RGS13: variants seen among roughly 807,000 people sequenced by gnomAD.
RGS13 encodes the protein regulator of G-protein signalling 13.
RGS13 carries 14 observed loss-of-function variants against 19.9 expected under a neutral mutation model. The ratio of observed to expected loss-of-function variants is 0.70; its 90% CI spans 0.46 to 1.10. The LOEUF (loss-of-function observed/expected upper bound fraction) is 1.10, where lower values mean the gene tolerates loss of function less well. RGS13 is among the 50% of genes least tolerant of loss of function. The pLI is 0.00. For synonymous variants in RGS13, 60 were observed against 56.8 expected, an observed-to-expected ratio of 1.06 and a Z score of -0.25; for missense variants, 205 against 187.1, an observed-to-expected ratio of 1.10 and a Z score of -0.56.
intron 3 of RGS13, among the ~76,000 whole-genome samples, chr1:192,640,264 C>CTAAG (rs1663083039): frequency 6.6e-6 from 1 of 152,154 alleles, no homozygotes; most frequent in Non-Finnish European, 1.5e-5. Context: ...GAAACTCGAA[C>CTAAG]TAAGTAGCTT....
intron 1 of RGS13, 99 bp downstream of exon 1, chr1:192,636,416 G>C (rs547368712): frequency 3.9e-5 from 6 of 152,002 alleles, no homozygotes; most frequent in Admixed American, 2.0e-4. Flanking sequence ...ACTTCTGGGA[G>C]TGTTAACAGA....
At chr1:192,645,274 T>A (rs1571581312) in intron 4 of RGS13, 1 of 152,290 alleles carries the variant, frequency 6.6e-6, no homozygotes, top group East Asian at 1.9e-4. Flanking sequence ...CTGTCAGAGC[T>A]CGCCTTTCTT....
intron 3 of RGS13, among the ~76,000 whole-genome samples, chr1:192,639,524 T>C (rs1438705692): frequency 6.6e-6 from 1 of 152,122 alleles, no homozygotes; most frequent in Non-Finnish European, 1.5e-5. Context: ...TATGTTGACA[T>C]GTTGAAGAAT....
At chr1:192,636,912 C>T (rs536271104) in intron 1 of RGS13, among the ~76,000 whole-genome samples, 36 of 151,878 alleles carry the variant, frequency 2.4e-4, no homozygotes, top group South Asian at 6.2e-4. Context: ...TAAATTGCTC[C>T]AAATTTTACT....
rs922190901 is a variant in RGS13 at position 192,660,164 on chromosome 1, G to A, written c.*641G>A. 10 of 151,906 alleles carry A rather than the reference G, an allele frequency of 6.6e-5. No individual in the cohort carries two copies. Among genetic ancestry groups the A allele is most frequent in the Non-Finnish European group, 1.3e-4 (9 of 67,948 alleles). The allele number at this position is 151,906 out of a possible 1,614,324, so 9.4% of individuals were successfully genotyped here. A position where few individuals can be genotyped will look rare whatever the true frequency, so the allele number is the denominator to read the frequency against. ...TGCTCTTGCATCTACATTGCTATAAGGATATAAAATGTGGTTTCTATATTT... is the reference window on the plus strand; with the variant it reads ...TGCTCTTGCATCTACATTGCTATAAAGATATAAAATGTGGTTTCTATATTT... On this transcript the variant is annotated 3_prime_UTR_variant, in exon 7 of 7. Coordinates refer to ENST00000391995, the MANE Select transcript of RGS13 (RefSeq NM_002927.5).
chr1:192,659,640 A>C lies in RGS13; in HGVS notation c.*117A>C. On this transcript the variant is annotated 3_prime_UTR_variant, in exon 7 of 7. Coordinates refer to ENST00000391995, the MANE Select transcript of RGS13 (RefSeq NM_002927.5). ...ACAAATAAAACAGAAATCAAACTAT[A>C]AGTTGACTTTTAGTTCCTAAAAAGA... 1 of 733,658 alleles carries C rather than the reference A, an allele frequency of 1.4e-6. No individual in the cohort carries two copies. The highest frequency in any genetic ancestry group is 2.2e-6 in the Non-Finnish European group (1 of 450,162). 45.4% of individuals were successfully genotyped at this position (733,658 alleles called of 1,614,324 possible). A position where few individuals can be genotyped will look rare whatever the true frequency, so the allele number is the denominator to read the frequency against.
chr1:192,643,930 G>A (rs1297016235), intron 3 of RGS13, among the ~76,000 whole-genome samples: 1 of 152,134 alleles, frequency 6.6e-6, no homozygotes, highest in African/African-American at 2.4e-5. Context: ...TCCAGGCTGG[G>A]TGACAGGGTG....
At position 192,658,279 on chromosome 1, in the gene RGS13, C is replaced by T; in HGVS notation, c.206C>T (p.Thr69Ile). ...ENIQFWMACE[T>I]YKKIASRWSR... ...ATTCAATTCTGGATGGCATGTGAAA[C>T]CTATAAGAAAATTGCCTCACGGTGG... Residue 69 changes from threonine to isoleucine, a missense_variant, in exon 6 of 7, where the codon ACC (threonine) becomes ATC (isoleucine). Coordinates refer to ENST00000391995, the MANE Select transcript of RGS13 (RefSeq NM_002927.5). The T allele has an allele frequency of 6.2e-7, 1 of 1,613,334 alleles. No homozygotes were observed. Among genetic ancestry groups the T allele is most frequent in the Non-Finnish European group, 8.5e-7 (1 of 1,179,606 alleles).
At chr1:192,652,751 C>T (rs1663365231) in intron 5 of RGS13, among the ~76,000 whole-genome samples, 1 of 151,894 alleles carries the variant, frequency 6.6e-6, no homozygotes, top group African/African-American at 2.4e-5. Context: ...AAAACAGAAA[C>T]ATGAGGGATC....
At chr1:192,643,546 C>G (rs989662255) in intron 3 of RGS13, among the ~76,000 whole-genome samples, 2 of 142,294 alleles carry the variant, frequency 1.4e-5, no homozygotes, top group Admixed American at 1.6e-4. Flanking sequence ...TAAGCAGCAC[C>G]CTTAAAATTC....
intron 4 of RGS13, chr1:192,646,519 C>G (rs1178749530): frequency 6.6e-6 from 1 of 152,166 alleles, no homozygotes; most frequent in Non-Finnish European, 1.5e-5. Context: ...TTCATGGGTA[C>G]ATGCGCAGGA....
rs978352287 is a variant in RGS13 at position 192,648,005 on chromosome 1, G to T, written c.127+18G>T. The T allele has an allele frequency of 3.2e-6, 5 of 1,553,690 alleles. No homozygotes were observed. Among genetic ancestry groups the T allele is most frequent in the Non-Finnish European group, 4.4e-6 (5 of 1,135,966 alleles). ...TACAAAATGTGAGTATTGCGTATCT[G>T]TCATCTTTGAATAACTAGCGAGTTC... On this transcript the variant is annotated intron_variant, in intron 5 of 6. Transcript: ENST00000391995.
rs1663476367 is a variant in RGS13, at chr1:192,658,104, T to C, written c.128-97T>C. On this transcript the variant is annotated intron_variant, in intron 5 of 6. Coordinates refer to ENST00000391995, the MANE Select transcript of RGS13 (RefSeq NM_002927.5). ...TAAAATATTTACTTGTTAAATAATTTGTGAGTTTTTAATCAGGCTTTTTTT... is the reference window on the plus strand; with the variant it reads ...TAAAATATTTACTTGTTAAATAATTCGTGAGTTTTTAATCAGGCTTTTTTT... 4 of 762,732 alleles carry C rather than the reference T, an allele frequency of 5.2e-6. 1 individual carries two copies. In the African/African-American group the frequency reaches 7.1e-5, roughly 14 times the overall value. The allele number at this position is 762,732 out of a possible 1,614,324, so 47.2% of individuals were successfully genotyped here.
intron 3 of RGS13, among the ~76,000 whole-genome samples, chr1:192,638,573 C>T (rs1663052718): frequency 6.6e-6 from 1 of 152,056 alleles, no homozygotes; most frequent in Non-Finnish European, 1.5e-5. Context: ...GATGGACTTT[C>T]AGTCCCAGAA....
rs759337546 is a variant in RGS13, at chr1:192,659,544, T to C, written c.*21T>C. ...TCTGACTACAACTCAAAAGTTTAAA[T>C]AGAAAACAGTATATTGAAAGTGGTG... On this transcript the variant is annotated 3_prime_UTR_variant, in exon 7 of 7. Coordinates refer to ENST00000391995, the MANE Select transcript of RGS13 (RefSeq NM_002927.5). 5 of 1,552,762 alleles carry C rather than the reference T, an allele frequency of 3.2e-6. No individual in the cohort carries two copies. Among genetic ancestry groups the C allele is most frequent in the Non-Finnish European group, 3.5e-6 (4 of 1,137,642 alleles).
chr1:192,655,902 G>C (rs10921229), intron 5 of RGS13, among the ~76,000 whole-genome samples: 50,738 of 151,774 alleles, frequency 0.33, 10,546 homozygotes, highest in East Asian at 0.65. Context: ...CAGATAGATA[G>C]ACAAATAGAT....
intron 6 of RGS13, 140 bp from the exon 7 acceptor site, chr1:192,659,198 T>C (rs1663562220): frequency 1.9e-6 from 1 of 526,320 alleles, no homozygotes; most frequent in Non-Finnish European, 3.3e-6. Context: ...ATATATCTTC[T>C]TAGATGCCTA....
At chr1:192,637,138 T>C (rs1476195224) in intron 1 of RGS13, among the ~76,000 whole-genome samples, 2 of 151,918 alleles carry the variant, frequency 1.3e-5, no homozygotes, top group Admixed American at 6.6e-5. Context: ...AATTAGATTC[T>C]ATCGGTGAAA....
At chr1:192,653,909 A>C (rs1231715761) in intron 5 of RGS13, among the ~76,000 whole-genome samples, 3 of 150,280 alleles carry the variant, frequency 2.0e-5, no homozygotes, top group Non-Finnish European at 4.4e-5. Flanking sequence ...CAACGAGAAC[A>C]GTTGGACACA....
Sources: allele counts gnomAD v4.1 joint callset (sites outside exome capture counted in the v4.1 genomes callset), GRCh38; gene constraint gnomAD v4.1.1; transcripts MANE v1.5; gene names NCBI Gene and HGNC (gene_info 2026-07-23, HGNC 2026-07-21).